The following FANK1 variants were observed in gnomAD, a reference collection of about 807,000 sequenced individuals.
FANK1 encodes fibronectin type 3 and ankyrin repeat domains protein 1.
Under a neutral mutation model 45.3 loss-of-function variants are expected in FANK1, and 44 were observed. The observed-to-expected ratio is 0.97, with a 90% confidence interval of 0.76 to 1.25. The LOEUF (loss-of-function observed/expected upper bound fraction) is 1.25. Ranked by LOEUF, FANK1 falls within the 50% of genes most tolerant of loss-of-function variation. The pLI, the probability that FANK1 is intolerant of heterozygous loss-of-function variation, is 0.00. For missense variants in FANK1, 391 were observed against 424.4 expected (o/e 0.92, Z 0.69); for synonymous variants, 149 against 152.5 (o/e 0.98, Z 0.17).
chr10:125,917,009 G>A (rs113730112), intron 1 of FANK1, among the ~76,000 whole-genome samples: 2 of 152,184 alleles, frequency 1.3e-5, no homozygotes, highest in Non-Finnish European at 2.9e-5. Context: ...ACCCCTTTTT[G>A]TCCTCTCACA....
chr10:125,934,398 T>G (rs1358106192), intron 1 of FANK1, among the ~76,000 whole-genome samples: 1 of 152,152 alleles, frequency 6.6e-6, no homozygotes, highest in East Asian at 1.9e-4. Flanking sequence ...AGCATCTACC[T>G]TATAGCACTG....
chr10:125,970,119 C>T (rs927316227), intron 1 of FANK1, among the ~76,000 whole-genome samples: 17 of 152,324 alleles, frequency 1.1e-4, no homozygotes, highest in South Asian at 2.1e-4. Context: ...CATCATGGCC[C>T]GTTCTCAATG....
chr10:125,898,993 C>T (rs1944814132), intron 1 of FANK1, among the ~76,000 whole-genome samples: 1 of 150,596 alleles, frequency 6.6e-6, no homozygotes, highest in African/African-American at 2.4e-5. Flanking sequence ...CTCTTGGACT[C>T]AAGCAATCCT....
At chr10:125,946,576 T>G (rs1477287743) in intron 1 of FANK1, among the ~76,000 whole-genome samples, 1 of 151,268 alleles carries the variant, frequency 6.6e-6, no homozygotes, top group Non-Finnish European at 1.5e-5. Flanking sequence ...TAAAAATAAA[T>G]GAGCAAAGCC....
chr10:125,970,505 T>C (rs1950444685), intron 1 of FANK1, among the ~76,000 whole-genome samples: 1 of 152,196 alleles, frequency 6.6e-6, no homozygotes, highest in Non-Finnish European at 1.5e-5. Context: ...TTCACACCAC[T>C]GTACTCCAGC....
At chr10:125,941,132 C>T (rs1169889340) in intron 1 of FANK1, among the ~76,000 whole-genome samples, 1 of 152,118 alleles carries the variant, frequency 6.6e-6, no homozygotes, top group African/African-American at 2.4e-5. Flanking sequence ...CAAAGGTAAA[C>T]TGTAAAGAAA....
At chr10:125,967,111 T>G (rs1322405086) in intron 1 of FANK1, among the ~76,000 whole-genome samples, 2 of 152,238 alleles carry the variant, frequency 1.3e-5, no homozygotes, top group African/African-American at 4.8e-5. Context: ...CTTGGACATT[T>G]AGATTAGTTT....
chr10:125,980,445 G>C, intron 2 of FANK1, 107 bp downstream of exon 2: 1 of 1,264,668 alleles, frequency 7.9e-7, no homozygotes, highest in Non-Finnish European at 1.1e-6. Context: ...TAAAGAATGA[G>C]TCAGCATCAT....
At chr10:125,953,181 C>G (rs1476028477) in intron 1 of FANK1, among the ~76,000 whole-genome samples, 1 of 152,172 alleles carries the variant, frequency 6.6e-6, no homozygotes, top group East Asian at 1.9e-4. Flanking sequence ...GCCAGGAACC[C>G]TGCTTTGAAA....
chr10:126,002,243 C>T (rs1332966506), intron 6 of FANK1, among the ~76,000 whole-genome samples: 3 of 152,114 alleles, frequency 2.0e-5, no homozygotes, highest in Non-Finnish European at 2.9e-5. Context: ...ACCCAGGAGG[C>T]GGAGGTTGCA....
intron 3 of FANK1, among the ~76,000 whole-genome samples, chr10:125,993,154 A>C (rs1952061062): frequency 6.6e-6 from 1 of 152,210 alleles, no homozygotes; most frequent in South Asian, 2.1e-4. Context: ...ATAGGATTTG[A>C]TTTAGGATAC....
intron 1 of FANK1, among the ~76,000 whole-genome samples, chr10:125,933,529 T>A (rs920084452): frequency 6.6e-6 from 1 of 152,194 alleles, no homozygotes; most frequent in Non-Finnish European, 1.5e-5. Flanking sequence ...TCTTCTCTTC[T>A]TGGTTAATCT....
chr10:125,931,651 CTG>C (rs1293898978), intron 1 of FANK1, among the ~76,000 whole-genome samples: 3 of 151,974 alleles, frequency 2.0e-5, no homozygotes, highest in Non-Finnish European at 2.9e-5. Context: ...TTCTCCCACT[CTG>C]TGGGTTGTCT....
chr10:125,953,203 C>T (rs1949365441), intron 1 of FANK1, among the ~76,000 whole-genome samples: 1 of 152,308 alleles, frequency 6.6e-6, no homozygotes, highest in East Asian at 1.9e-4. Context: ...CCACTTGGCC[C>T]CCCTGCCAGG....
At chr10:125,910,586 T>A (rs1945911532) in intron 1 of FANK1, among the ~76,000 whole-genome samples, 1 of 152,208 alleles carries the variant, frequency 6.6e-6, no homozygotes, top group East Asian at 1.9e-4. Context: ...GACATTATAT[T>A]TTGGTGAGTT....
intron 1 of FANK1, among the ~76,000 whole-genome samples, chr10:125,978,506 G>T (rs1349926413): frequency 6.6e-6 from 1 of 151,450 alleles, no homozygotes; most frequent in Non-Finnish European, 1.5e-5. Context: ...TCTGTCAGAT[G>T]GACAGCTCGG....
intron 3 of FANK1, chr10:125,995,070 C>A: frequency 2.1e-6 from 1 of 472,922 alleles, no homozygotes; most frequent in Non-Finnish European, 2.8e-6. Flanking sequence ...ATAAAACTAG[C>A]ATATTGTGAC....
chr10:125,900,632 T>TG (rs1944952813), intron 1 of FANK1, among the ~76,000 whole-genome samples: 2 of 152,012 alleles, frequency 1.3e-5, no homozygotes, highest in South Asian at 2.1e-4. Context: ...TTTCTGTTTT[T>TG]TTTTGTTTGT....
intron 1 of FANK1, among the ~76,000 whole-genome samples, chr10:125,918,392 C>CT (rs1426258394): frequency 2.0e-5 from 3 of 152,006 alleles, no homozygotes; most frequent in East Asian, 3.9e-4. Flanking sequence ...CCCGTCTCTA[C>CT]TAAAAATACA....
Sources: gnomAD v4.1 joint callset for allele counts (sites outside exome capture counted in the v4.1 genomes callset) on GRCh38, gnomAD v4.1.1 for gene constraint, MANE v1.5 for transcripts, NCBI Gene and HGNC (gene_info 2026-07-23, HGNC 2026-07-21) for gene names.